Variants in NEK5 observed in about 807,000 individuals in gnomAD.
NEK5 encodes the protein serine/threonine-protein kinase Nek5.
NEK5 carries 88 observed loss-of-function variants against 109.2 expected under a neutral mutation model. The observed-to-expected ratio is 0.81, with a 90% CI of 0.68 to 0.96. The LOEUF (loss-of-function observed/expected upper bound fraction) is 0.96. Among genes scored for constraint, NEK5 ranks in the 40% least tolerant of loss-of-function variants. The pLI is 0.00. For synonymous variants in NEK5, 283 were observed against 299.9 expected (o/e 0.94, Z 0.58); for missense variants, 834 against 920.7 (o/e 0.91, Z 1.22).
intron 7 of NEK5, among the ~76,000 whole-genome samples, chr13:52,108,987 A>C (rs1198038578): frequency 6.6e-6 from 1 of 152,196 alleles, no homozygotes; most frequent in African/African-American, 2.4e-5. Flanking sequence ...AGCTTTATTA[A>C]ATTTAACCAT....
chr13:52,083,194 G>C, intron 17 of NEK5, 66 bp downstream of exon 17: 1 of 1,102,544 alleles, frequency 9.1e-7, no homozygotes, highest in Non-Finnish European at 1.4e-6. Context: ...ACAGAGAAGG[G>C]TAAGAGCCAC....
chr13:52,096,746 C>T (rs990061284), intron 12 of NEK5, among the ~76,000 whole-genome samples: 2 of 152,122 alleles, frequency 1.3e-5, no homozygotes, highest in Admixed American at 6.5e-5. Context: ...AAAGAAAAAC[C>T]CATTTTCTGG....
intron 8 of NEK5, among the ~76,000 whole-genome samples, chr13:52,107,078 C>T (rs1476061805): frequency 6.6e-6 from 1 of 152,118 alleles, no homozygotes; most frequent in African/African-American, 2.4e-5. Flanking sequence ...CAAAAATGGA[C>T]ATCACAGTGA....
intron 11 of NEK5, among the ~76,000 whole-genome samples, 186 bp downstream of exon 11, chr13:52,101,747 C>A (rs571415808): frequency 6.6e-6 from 1 of 152,116 alleles, no homozygotes; most frequent in African/African-American, 2.4e-5. Context: ...CATGCATGAG[C>A]TAGATATACA....
At chr13:52,080,582 G>A (rs1246301118) in intron 17 of NEK5, among the ~76,000 whole-genome samples, 2 of 152,174 alleles carry the variant, frequency 1.3e-5, no homozygotes, top group African/African-American at 2.4e-5. Context: ...CTGTTGATCT[G>A]TGACCTTACC....
intron 23 of NEK5, among the ~76,000 whole-genome samples, chr13:52,045,819 T>A (rs1295852717): frequency 7.7e-5 from 11 of 142,186 alleles, no homozygotes; most frequent in African/African-American, 2.3e-4. Context: ...ACGCCTGTAA[T>A]CCCAGCACTT....
intron 15 of NEK5, among the ~76,000 whole-genome samples, chr13:52,086,870 G>C (rs1391735830): frequency 6.6e-6 from 1 of 152,216 alleles, no homozygotes; most frequent in Admixed American, 6.5e-5. Context: ...AGAGAATGGA[G>C]TGATGCGACT....
At chr13:52,043,228 T>TA (rs1166680396) in intron 23 of NEK5, among the ~76,000 whole-genome samples, 2 of 151,776 alleles carry the variant, frequency 1.3e-5, no homozygotes, top group African/African-American at 2.4e-5. Context: ...AAGGACACTT[T>TA]AAAAAAAATC....
intron 16 of NEK5, among the ~76,000 whole-genome samples, chr13:52,085,603 T>C (rs932683210): frequency 2.0e-5 from 3 of 152,208 alleles, no homozygotes; most frequent in Admixed American, 2.0e-4. Context: ...GCCTGCAAGC[T>C]TCTCCTAGGA....
intron 8 of NEK5, among the ~76,000 whole-genome samples, chr13:52,106,385 C>T (rs1435307130): frequency 1.3e-5 from 2 of 152,148 alleles, no homozygotes; most frequent in African/African-American, 4.8e-5. Context: ...TGTTCAATGG[C>T]AGCCAGCTTT....
intron 14 of NEK5, among the ~76,000 whole-genome samples, chr13:52,087,902 G>C (rs978473692): frequency 2.7e-5 from 4 of 149,138 alleles, no homozygotes; most frequent in Non-Finnish European, 5.9e-5. Flanking sequence ...TGGGATTACA[G>C]GCATGAGCCA....
exon 1 of NEK5, chr13:52,129,072 ATCCGGG>A (rs1488734064): frequency 6.6e-6 from 1 of 152,314 alleles, no homozygotes; most frequent in Non-Finnish European, 1.5e-5. Context: ...TCCCGGAAGG[ATCCGGG>A]TTCCCGGGGC....
rs539302959 is a variant in NEK5, at chr13:52,052,674, TA to T, written c.2111-2454del. 1.4e-4 allele frequency among the ~76,000 whole-genome samples: 21 copies of T among 148,564 alleles called. No individual in the cohort carries two copies. The South Asian group carries it at 2.1e-3, about 15-fold the overall frequency. On this transcript the variant is annotated intron_variant, in intron 22 of 23. Coordinates refer to ENST00000684899, the MANE Select transcript of NEK5 (RefSeq NM_001365552.1). ...TTAGGCCCTGTTTTAAAATTCTTTG[TA>T]AAAAAAAAAGATTTATATCTATAAA...
At chr13:52,064,575 G>A (rs1954656682) in intron 21 of NEK5, among the ~76,000 whole-genome samples, 1 of 152,034 alleles carries the variant, frequency 6.6e-6, no homozygotes. Context: ...CCCCTACTGG[G>A]ATGTGAGGAG....
chr13:52,128,987 G>A (rs1322289220), intron 1 of NEK5, 42 bp downstream of exon 1: 1 of 152,330 alleles, frequency 6.6e-6, no homozygotes, highest in Non-Finnish European at 1.5e-5. Context: ...AAGCCCTGTG[G>A]CGGCTCCGGG....
chr13:52,039,561 T>C (rs1203005021), intron 23 of NEK5, among the ~76,000 whole-genome samples: 1 of 152,220 alleles, frequency 6.6e-6, no homozygotes, highest in East Asian at 1.9e-4. Context: ...CAAATAATTA[T>C]AGAAAGTTCA....
intron 22 of NEK5, 138 bp from the exon 23 acceptor site, chr13:52,050,359 A>G (rs1470373036): frequency 6.4e-6 from 1 of 157,296 alleles, no homozygotes; most frequent in Non-Finnish European, 1.4e-5. Context: ...AGAATAAGAA[A>G]GGGATAACAC....
intron 13 of NEK5, among the ~76,000 whole-genome samples, chr13:52,090,145 T>C (rs1955248135): frequency 6.6e-6 from 1 of 152,212 alleles, no homozygotes; most frequent in South Asian, 2.1e-4. Context: ...GTTTAAGGTA[T>C]TTTTCCAGCA....
At position 52,083,932 on chromosome 13, in the gene NEK5, G is replaced by C. The variant is rs141155616; in HGVS notation, c.1480-580C>G. Among the ~76,000 whole-genome samples the C allele has an allele frequency of 3.0e-3, 461 of 152,184 alleles. 3 individuals are homozygous for C. The highest frequency in any genetic ancestry group is 8.5e-3 in the Admixed American group (130 of 15,280). ...TGGCTCCAGGCTGCCCATGAGCCAG[G>C]CCTCTGCTCCAGAGAGAACAACCTC... On this transcript the variant is annotated intron_variant, in intron 16 of 23. Coordinates refer to ENST00000684899, the MANE Select transcript of NEK5 (RefSeq NM_001365552.1).
Sources: allele counts gnomAD v4.1 joint callset (sites outside exome capture counted in the v4.1 genomes callset), GRCh38; gene constraint gnomAD v4.1.1; transcripts MANE v1.5; gene names NCBI Gene and HGNC (gene_info 2026-07-23, HGNC 2026-07-21).